Variants in RERG observed in about 807,000 individuals in gnomAD.
RERG encodes the protein ras-related and estrogen-regulated growth inhibitor.
In RERG, 25 loss-of-function variants were observed where a neutral mutation model predicts 23.2. That is an observed-to-expected ratio of 1.08 (90% CI 0.79 to 1.50). The LOEUF (loss-of-function observed/expected upper bound fraction) is 1.50, where lower values mean the gene tolerates loss of function less well. Ranked by LOEUF, RERG falls within the 40% of genes most tolerant of loss-of-function variation. The probability of loss-of-function intolerance (pLI) is 0.00; values close to 1 mark genes in which losing one functional copy is unlikely to be tolerated. For missense variants in RERG, 253 were observed against 250.1 expected, an observed-to-expected ratio of 1.01 and a Z score of -0.08; for synonymous variants, 81 against 89.1, an observed-to-expected ratio of 0.91 and a Z score of 0.51.
intron 2 of RERG, among the ~76,000 whole-genome samples, chr12:15,215,845 T>C (rs1591674129): frequency 6.6e-6 from 1 of 152,320 alleles, no homozygotes; most frequent in Middle Eastern, 3.4e-3. Flanking sequence ...CCCAGCTTGC[T>C]CCGAGATCAT....
intron 2 of RERG, among the ~76,000 whole-genome samples, chr12:15,165,901 C>T (rs1864679908): frequency 6.6e-6 from 1 of 152,180 alleles, no homozygotes; most frequent in Non-Finnish European, 1.5e-5. Flanking sequence ...ATGGGCTGAG[C>T]ATGGATGTGC....
At chr12:15,137,970 A>C (rs1162676852) in intron 2 of RERG, 1 of 383,634 alleles carries the variant, frequency 2.6e-6, no homozygotes, top group Non-Finnish European at 5.2e-6. Flanking sequence ...AATTCCTTCA[A>C]TTTTTGTTGC....
chr12:15,163,108 G>A (rs1203977210), intron 2 of RERG, among the ~76,000 whole-genome samples: 1 of 152,138 alleles, frequency 6.6e-6, no homozygotes, highest in Non-Finnish European at 1.5e-5. Flanking sequence ...CAAAATGTAG[G>A]TGGAGACTAT....
In RERG at chr12:15,109,762, TTTTTTC is replaced by T. The variant is rs1473110640; in HGVS notation, c.193-251_193-246del. Among the ~76,000 whole-genome samples, 8 of 152,120 alleles carry T rather than the reference TTTTTTC, an allele frequency of 5.3e-5. 1 individual carries two copies. Among genetic ancestry groups the T allele is most frequent in the Non-Finnish European group, 7.3e-5 (5 of 68,032 alleles). On this transcript the variant is annotated intron_variant, in intron 4 of 4. Transcript: ENST00000256953. ...TAGATTTTAAATTTCTGCTTTTAAT[TTTTTTC>T]TTGCCATATCATTAAATCTGTAATC...
intron 2 of RERG, among the ~76,000 whole-genome samples, chr12:15,177,700 A>G (rs921151682): frequency 1.3e-5 from 2 of 152,174 alleles, no homozygotes. Context: ...TCTATCTTAC[A>G]AACATTTAGG....
intron 2 of RERG, among the ~76,000 whole-genome samples, chr12:15,140,265 C>G (rs1228640575): frequency 6.6e-6 from 1 of 151,974 alleles, no homozygotes; most frequent in African/African-American, 2.4e-5. Context: ...TCTTTTTCTC[C>G]CATTTGGGGG....
intron 2 of RERG, among the ~76,000 whole-genome samples, chr12:15,195,484 T>C (rs927481806): frequency 2.0e-5 from 3 of 151,998 alleles, no homozygotes; most frequent in African/African-American, 7.3e-5. Flanking sequence ...CAAAAGATTA[T>C]GTATTCCAGT....
chr12:15,214,002 G>A lies in RERG; in HGVS notation c.61+3427C>T, dbSNP rs989689958. On this transcript the variant is annotated intron_variant, in intron 2 of 4. Transcript: ENST00000256953. ...AGAGAAAAACAGAGAAAGTATGTGT[G>A]TGTGTGTGTGTGTGTGTGTGTGTGT... Among the ~76,000 whole-genome samples the A allele has an allele frequency of 9.4e-3, 813 of 86,560 alleles. 8 individuals carry two copies. The highest frequency in any genetic ancestry group is 0.034 in the African/African-American group (767 of 22,748). 56.8% of individuals were successfully genotyped at this position (86,560 alleles called of 152,430 possible).
At chr12:15,121,246 A>G (rs1863826623) in intron 2 of RERG, 127 bp from the exon 3 acceptor site, 3 of 664,574 alleles carry the variant, frequency 4.5e-6, no homozygotes, top group Admixed American at 3.1e-5. Context: ...GATATATAAA[A>G]CAAATAAATT....
intron 2 of RERG, among the ~76,000 whole-genome samples, chr12:15,179,274 A>G (rs1286149289): frequency 6.6e-6 from 1 of 152,114 alleles, no homozygotes; most frequent in African/African-American, 2.4e-5. Flanking sequence ...TTCTTTCCTT[A>G]TGTTATCAGA....
At chr12:15,219,051 G>A (rs1465924219) in intron 1 of RERG, among the ~76,000 whole-genome samples, 4 of 152,104 alleles carry the variant, frequency 2.6e-5, no homozygotes, top group Admixed American at 1.3e-4. Context: ...CCCTCATTCC[G>A]AACATTTGCA....
intron 2 of RERG, among the ~76,000 whole-genome samples, chr12:15,200,337 C>T (rs1865198845): frequency 6.6e-6 from 1 of 151,960 alleles, no homozygotes; most frequent in Non-Finnish European, 1.5e-5. Flanking sequence ...TCCAGTTCTT[C>T]ATCAAAGCTA....
At chr12:15,206,405 G>A (rs923412479) in intron 2 of RERG, among the ~76,000 whole-genome samples, 2 of 152,034 alleles carry the variant, frequency 1.3e-5, no homozygotes, top group African/African-American at 2.4e-5. Context: ...CACTCAATGC[G>A]CTGAATGTGC....
intron 2 of RERG, among the ~76,000 whole-genome samples, chr12:15,208,515 C>T (rs141278683): frequency 6.6e-6 from 1 of 152,154 alleles, no homozygotes; most frequent in East Asian, 1.9e-4. Flanking sequence ...TTATTAAGTC[C>T]TAGTATGTGT....
At chr12:15,164,778 T>TC (rs1864663348) in intron 2 of RERG, among the ~76,000 whole-genome samples, 1 of 152,152 alleles carries the variant, frequency 6.6e-6, no homozygotes. Flanking sequence ...ACAAAAGGTG[T>TC]TAACTAGCAC....
intron 2 of RERG, among the ~76,000 whole-genome samples, chr12:15,159,006 C>T (rs1342206231): frequency 6.6e-6 from 1 of 152,162 alleles, no homozygotes; most frequent in African/African-American, 2.4e-5. Context: ...TAGTTTCAGC[C>T]TCCACTGGTG....
At chr12:15,137,866 CTTT>C (rs1418364579) in intron 2 of RERG, 1 of 446,356 alleles carries the variant, frequency 2.2e-6, no homozygotes, top group Non-Finnish European at 4.5e-6. Context: ...CTCTTCCTTT[CTTT>C]AAGTACAATC....
At chr12:15,213,998 G>A (rs529078871) in intron 2 of RERG, among the ~76,000 whole-genome samples, 5 of 8,904 alleles carry the variant, frequency 5.6e-4, no homozygotes, top group African/African-American at 1.2e-3. Context: ...GAGAAAGTAT[G>A]TGTGTGTGTG....
intron 2 of RERG, chr12:15,154,421 A>T (rs1196069719): frequency 1.3e-5 from 2 of 152,236 alleles, no homozygotes; most frequent in Non-Finnish European, 2.9e-5. Context: ...TGCATTATGA[A>T]GCCAAATATA....
Sources: gnomAD v4.1 joint callset for allele counts (sites outside exome capture counted in the v4.1 genomes callset) on GRCh38, gnomAD v4.1.1 for gene constraint, MANE v1.5 for transcripts, NCBI Gene and HGNC (gene_info 2026-07-23, HGNC 2026-07-21) for gene names.